Variants in DOCK8 observed in about 807,000 individuals in gnomAD.
The protein encoded by DOCK8 is dedicator of cytokinesis protein 8.
DOCK8 carries 141 observed loss-of-function variants against 245.6 expected under a neutral mutation model. The observed-to-expected ratio is 0.57, with a 90% confidence interval of 0.50 to 0.66. The LOEUF (loss-of-function observed/expected upper bound fraction) is 0.66, where lower values mean the gene tolerates loss of function less well. Ranked by LOEUF, DOCK8 falls within the 30% of genes least tolerant of loss-of-function variation. The probability of loss-of-function intolerance (pLI) is 0.00; values close to 1 mark genes in which losing one functional copy is unlikely to be tolerated. For synonymous variants in DOCK8, 1,168 were observed against 970.2 expected, an observed-to-expected ratio of 1.20 and a Z score of -3.79; for missense variants, 2,965 against 2,603.4, an observed-to-expected ratio of 1.14 and a Z score of -3.02.
At chr9:235,471 G>C (rs554093092) in intron 1 of DOCK8, among the ~76,000 whole-genome samples, 78 of 152,312 alleles carry the variant, frequency 5.1e-4, no homozygotes, top group African/African-American at 1.8e-3. Flanking sequence ...CTGTCTTTTT[G>C]TTTGTCTGTG....
chr9:385,238 T>C (rs1182679476), intron 22 of DOCK8, among the ~76,000 whole-genome samples: 3 of 152,224 alleles, frequency 2.0e-5, no homozygotes, highest in African/African-American at 7.2e-5. Flanking sequence ...GGAACAGAAA[T>C]AGGACATGAG....
rs2057483811 is a variant in DOCK8 at position 452,064 on chromosome 9, A to G, written c.6015A>G (p.Lys2005=). The G allele has an allele frequency of 1.2e-6, 2 of 1,610,162 alleles. No homozygotes were observed. Among genetic ancestry groups the G allele is most frequent in the East Asian group, 2.2e-5 (1 of 44,772 alleles). ...VFLAEIPADP[K]LYRHHNKLRL... ...TGGCTGAAATTCCTGCTGATCCAAA[A>G]CTCTATCGACATCACAACAAGTTGA... Residue 2005 remains lysine (K), a synonymous_variant, in exon 46 of 48, where the codon AAA becomes AAG. Transcript: ENST00000432829.
At chr9:453,216 T>G (rs1190811597) in intron 46 of DOCK8, among the ~76,000 whole-genome samples, 1 of 152,206 alleles carries the variant, frequency 6.6e-6, no homozygotes, top group African/African-American at 2.4e-5. Flanking sequence ...TCACAGCCGC[T>G]TGGTAATAGG....
chr9:456,042 C>G (rs2057630276), intron 46 of DOCK8, among the ~76,000 whole-genome samples: 1 of 152,186 alleles, frequency 6.6e-6, no homozygotes, highest in African/African-American at 2.4e-5. Flanking sequence ...TTATTCATCT[C>G]TATGTGCAAA....
intron 1 of DOCK8, among the ~76,000 whole-genome samples, chr9:265,428 C>G (rs979458051): frequency 6.6e-6 from 1 of 152,154 alleles, no homozygotes; most frequent in Non-Finnish European, 1.5e-5. Context: ...AAATGTCTGT[C>G]ATTAATACGT....
At chr9:406,422 GGT>G (rs2055418529) in intron 27 of DOCK8, among the ~76,000 whole-genome samples, 1 of 151,364 alleles carries the variant, frequency 6.6e-6, no homozygotes, top group African/African-American at 2.4e-5. Flanking sequence ...GGGAGAGGGA[GGT>G]TGCAGTGAGC....
Position 239,790 on chromosome 9 carries a change from T to C in DOCK8, c.53+24761T>C, listed in dbSNP as rs554030268. On this transcript the variant is annotated intron_variant, in intron 1 of 47. Coordinates refer to ENST00000432829, the MANE Select transcript of DOCK8 (RefSeq NM_203447.4). The stretch of plus-strand genomic sequence containing the variant: ...ACATACTTCTACAAAACTGGAAGTA[T>C]GCTTATATATTGTATCATAACCTGC... 3.2e-3 allele frequency among the ~76,000 whole-genome samples: 485 copies of C among 152,352 alleles called. 2 individuals are homozygous for C. Among genetic ancestry groups the C allele is most frequent in the African/African-American group, 0.011 (473 of 41,588 alleles).
intron 4 of DOCK8, among the ~76,000 whole-genome samples, chr9:303,242 C>CT (rs1342768567): frequency 1.3e-5 from 2 of 151,860 alleles, no homozygotes; most frequent in Non-Finnish European, 2.9e-5. Context: ...TCTGAAAGAA[C>CT]TTAAAACAGA....
chr9:424,130 T>C (rs1372883598), intron 33 of DOCK8, among the ~76,000 whole-genome samples: 1 of 151,602 alleles, frequency 6.6e-6, no homozygotes, highest in Non-Finnish European at 1.5e-5. Context: ...ACCTGGAAAA[T>C]TTATAATTAT....
chr9:259,475 A>G (rs2047865257), intron 1 of DOCK8, among the ~76,000 whole-genome samples: 1 of 152,198 alleles, frequency 6.6e-6, no homozygotes, highest in Admixed American at 6.5e-5. Flanking sequence ...TAACTAACAG[A>G]ATGTTCTTTG....
intron 7 of DOCK8, 140 bp downstream of exon 7, chr9:317,268 A>G (rs78697649): frequency 1.4e-6 from 1 of 739,580 alleles, no homozygotes; most frequent in Non-Finnish European, 2.4e-6. Flanking sequence ...GGAGTAGTAG[A>G]AAGGGCACGT....
chr9:319,375 A>T (rs1443779371), intron 7 of DOCK8, among the ~76,000 whole-genome samples: 2 of 152,230 alleles, frequency 1.3e-5, no homozygotes, highest in Non-Finnish European at 2.9e-5. Context: ...CCAAAGCAGA[A>T]ATTAAGTCGA....
intron 46 of DOCK8, among the ~76,000 whole-genome samples, chr9:462,799 C>G (rs1171942295): frequency 6.6e-6 from 1 of 152,200 alleles, no homozygotes; most frequent in Non-Finnish European, 1.5e-5. Context: ...CTCTGTCTGC[C>G]ATGTTGCTGT....
chr9:219,855 C>A (rs2039046), intron 1 of DOCK8, among the ~76,000 whole-genome samples: 4,702 of 152,130 alleles, frequency 0.031, 205 homozygotes, highest in African/African-American at 0.11. Flanking sequence ...AGTGATTGCG[C>A]CACTGCACTG....
intron 1 of DOCK8, chr9:220,893 G>A (rs569641255): frequency 4.0e-5 from 11 of 272,226 alleles, no homozygotes; most frequent in South Asian, 3.2e-4. Context: ...GCTAATTTTT[G>A]TATTTTTAGT....
intron 2 of DOCK8, among the ~76,000 whole-genome samples, chr9:276,109 T>C (rs958727377): frequency 3.6e-5 from 5 of 140,416 alleles, no homozygotes; most frequent in Non-Finnish European, 7.8e-5. Context: ...CAGGCTGGTC[T>C]TGAACTTCTG....
intron 2 of DOCK8, 101 bp from the exon 3 acceptor site, chr9:286,360 T>C: frequency 7.3e-7 from 1 of 1,378,518 alleles, no homozygotes; most frequent in Non-Finnish European, 1.0e-6. Context: ...GCGAAGTACT[T>C]ACTAAGTCAA....
At chr9:214,682 G>C (rs748420627), upstream of DOCK8, 2 of 1,583,532 alleles carry the variant, frequency 1.3e-6, no homozygotes, top group Admixed American at 3.6e-5. Context: ...GCCCCGGGCA[G>C]AGCGCGCCGT....
rs10965681 is a variant in DOCK8, at chr9:241,599, C to G, written c.53+26570C>G. ...GATACCATTCCAGTGTGTATCTATC[C>G]CACATTTTCTTTATCCATTCATTTA... On this transcript the variant is annotated intron_variant, in intron 1 of 47. Coordinates refer to ENST00000432829, the MANE Select transcript of DOCK8 (RefSeq NM_203447.4). Among the ~76,000 whole-genome samples, 3,989 of 152,194 alleles carry G rather than the reference C, an allele frequency of 0.026. 388 individuals carry two copies. In the East Asian group the frequency reaches 0.34, roughly 13 times the overall value.
Sources: allele counts gnomAD v4.1 joint callset (sites outside exome capture counted in the v4.1 genomes callset), GRCh38; gene constraint gnomAD v4.1.1; transcripts MANE v1.5; gene names NCBI Gene and HGNC (gene_info 2026-07-23, HGNC 2026-07-21).